The following CDCA8 variants were observed in gnomAD, a reference collection of about 807,000 sequenced individuals.
CDCA8 encodes borealin.
A neutral mutation model predicts 40.0 loss-of-function variants in CDCA8; 25 were observed. The ratio of observed to expected loss-of-function variants is 0.63; its 90% CI spans 0.46 to 0.87. CDCA8 has a LOEUF of 0.87. CDCA8 is among the 40% of genes least tolerant of loss of function. The pLI, the probability that CDCA8 is intolerant of heterozygous loss-of-function variation, is 0.00. For synonymous variants in CDCA8, 111 were observed against 126.5 expected (o/e 0.88, Z 0.82); for missense variants, 280 against 348.4 (o/e 0.80, Z 1.56).
At position 37,692,658 on chromosome 1, in the gene CDCA8, C is replaced by G. The variant is rs1645475210; in HGVS notation, c.-33C>G. On this transcript the variant is annotated 5_prime_UTR_variant, in exon 1 of 10. It adds an upstream start codon to the 5' untranslated region. Coordinates refer to ENST00000373055, the MANE Select transcript of CDCA8 (RefSeq NM_001256875.2). Reference sequence around the variant, plus strand: ...CCAGTTTCTTGCTTCCCTGCCCCATCTCCGCCGCTCCCCGCAGCCTCCGCC... The same window carrying G: ...CCAGTTTCTTGCTTCCCTGCCCCATGTCCGCCGCTCCCCGCAGCCTCCGCC... The G allele has an allele frequency of 4.4e-6, 7 of 1,580,174 alleles. No homozygotes were observed. In the East Asian group the frequency reaches 1.3e-4, roughly 30 times the overall value.
intron 2 of CDCA8, among the ~76,000 whole-genome samples, chr1:37,693,691 G>A (rs572205209): frequency 1.7e-4 from 26 of 152,146 alleles, no homozygotes; most frequent in African/African-American, 5.3e-4. Context: ...CAGCCACTGC[G>A]CCCGGCCAGA....
intron 9 of CDCA8, among the ~76,000 whole-genome samples, chr1:37,707,635 A>G (rs548434917): frequency 2.6e-5 from 4 of 152,214 alleles, no homozygotes; most frequent in East Asian, 1.9e-4. Flanking sequence ...CTATTGCCCA[A>G]TTGTTCAATT....
Position 37,692,523 on chromosome 1 carries a change from C to A in CDCA8, c.-168C>A. The A allele has an allele frequency of 1.6e-6, 1 of 628,014 alleles. No individual in the cohort carries two copies. The highest frequency in any genetic ancestry group is 1.8e-5 in the South Asian group (1 of 54,220). The allele number at this position is 628,014 out of a possible 1,614,324, so 38.9% of individuals were successfully genotyped here. A position where few individuals can be genotyped will look rare whatever the true frequency, so the allele number is the denominator to read the frequency against. On this transcript the variant is annotated 5_prime_UTR_variant, in exon 1 of 10. Transcript: ENST00000373055. ...ATTGGGTGGCGGTTGACTGTAGAGC[C>A]GCTCTCTCTCACTGGCACAGCGAGG...
intron 8 of CDCA8, among the ~76,000 whole-genome samples, chr1:37,706,729 G>A (rs1026353037): frequency 6.6e-6 from 1 of 152,252 alleles, no homozygotes; most frequent in African/African-American, 2.4e-5. Flanking sequence ...AGGACGGTTT[G>A]TTTCAGACAT....
intron 7 of CDCA8, among the ~76,000 whole-genome samples, chr1:37,704,102 T>C (rs1645582888): frequency 6.6e-6 from 1 of 151,922 alleles, no homozygotes; most frequent in Non-Finnish European, 1.5e-5. Context: ...GCCTGGCTAA[T>C]TTTTTGTTTT....
At position 37,698,950 on chromosome 1, in the gene CDCA8, A is replaced by G. The variant is rs543110631; in HGVS notation, c.310A>G (p.Ile104Val). 3.7e-6 allele frequency: 6 copies of G among 1,613,686 alleles called. No individual in the cohort carries two copies. Among genetic ancestry groups the G allele is most frequent in the Admixed American group, 1.7e-5 (1 of 60,026 alleles). ...AATAAACAAACTAACAGCAGAAGCTATTCAGACACCCCTGAAATCTGCCAA... is the reference window on the plus strand; with the variant it reads ...AATAAACAAACTAACAGCAGAAGCTGTTCAGACACCCCTGAAATCTGCCAA... ...TEINKLTAEAIQTPLKSAKTR... is the reference protein window; with the variant it reads ...TEINKLTAEAVQTPLKSAKTR... Residue 104 changes from isoleucine (I) to valine (V), a missense_variant, in exon 4 of 10, where the codon ATT becomes GTT. Physicochemically the swap from Ile to Val is conservative, Grantham distance 29. Transcript: ENST00000373055.
intron 7 of CDCA8, 127 bp downstream of exon 7, chr1:37,703,474 G>C: frequency 1.4e-6 from 1 of 723,784 alleles, no homozygotes; most frequent in African/African-American, 1.7e-5. Flanking sequence ...CCAGCACTTT[G>C]AGAGGCCGAG....
chr1:37,702,908 C>T (rs968671198), intron 6 of CDCA8, among the ~76,000 whole-genome samples: 12 of 150,116 alleles, frequency 8.0e-5, no homozygotes, highest in Admixed American at 6.7e-5. Context: ...GCCAAGATTA[C>T]GCCATTGCAC....
intron 4 of CDCA8, among the ~76,000 whole-genome samples, chr1:37,699,266 G>A (rs1187743172): frequency 6.6e-6 from 1 of 152,186 alleles, no homozygotes; most frequent in East Asian, 1.9e-4. Flanking sequence ...GAAAAAAGCT[G>A]TGCTAGAAAC....
intron 6 of CDCA8, among the ~76,000 whole-genome samples, chr1:37,702,308 T>C (rs1645571021): frequency 6.6e-6 from 1 of 151,906 alleles, no homozygotes; most frequent in African/African-American, 2.4e-5. Context: ...ACTTTTTTTT[T>C]TTAAGTATAG....
chr1:37,703,536 T>A (rs1037957330), intron 7 of CDCA8, among the ~76,000 whole-genome samples, 189 bp downstream of exon 7: 3 of 152,120 alleles, frequency 2.0e-5, no homozygotes, highest in Non-Finnish European at 2.9e-5. Context: ...GCCAAGATGA[T>A]GAAACGCTGC....
At chr1:37,693,521 C>T (rs1445661952) in intron 2 of CDCA8, among the ~76,000 whole-genome samples, 5 of 152,102 alleles carry the variant, frequency 3.3e-5, no homozygotes, top group Non-Finnish European at 7.3e-5. Flanking sequence ...GCCTCAGCCT[C>T]TGGAGTGGCT....
chr1:37,702,274 G>A (rs1011572154), intron 6 of CDCA8, among the ~76,000 whole-genome samples: 5 of 151,228 alleles, frequency 3.3e-5, no homozygotes, highest in African/African-American at 1.2e-4. Flanking sequence ...CCCGACCTCA[G>A]GTGATCCACC....
chr1:37,700,414 C>T lies in CDCA8; in HGVS notation c.338-22C>T, dbSNP rs375434570. ...CTTTATTTTCATCAGAAATACCACC[C>T]TGTTGAAACTGTTTCTTACAGCACG... On this transcript the variant is annotated intron_variant, in intron 4 of 9. Transcript: ENST00000373055. 9.0e-5 allele frequency: 126 copies of T among 1,395,782 alleles called. 2 individuals carry two copies. In the South Asian group the frequency reaches 1.2e-3, roughly 13 times the overall value. The allele number at this position is 1,395,782 out of a possible 1,614,324, so 86.5% of individuals were successfully genotyped here.
chr1:37,702,077 G>A lies in CDCA8; in HGVS notation c.488+259G>A, dbSNP rs990330839. 4.0e-5 allele frequency among the ~76,000 whole-genome samples: 5 copies of A among 125,034 alleles called. 1 individual carries two copies. The highest frequency in any genetic ancestry group is 2.4e-4 in the South Asian group (1 of 4,186). The allele number at this position is 125,034 out of a possible 152,430, so 82.0% of individuals were successfully genotyped here. A position where few individuals can be genotyped will look rare whatever the true frequency, so the allele number is the denominator to read the frequency against. ...TTTTTTGAGACGGAGTTTCAATCTC[G>A]TTGGCCAGGCTGGAGTGCAATGGTG... On this transcript the variant is annotated intron_variant, in intron 6 of 9. Transcript: ENST00000373055.
rs901655647 is a variant in CDCA8 at position 37,692,787 on chromosome 1, A to G, written c.94+3A>G. On this transcript the variant is annotated splice_donor_region_variant and intron_variant, in intron 1 of 9. Transcript: ENST00000373055. ...TCTGAAAGACTTCGACCGTGAAGGT[A>G]AGGGGCCAGGCCGTCGCGGCCTCCT... The G allele has an allele frequency of 2.5e-6, 4 of 1,613,020 alleles. No individual in the cohort carries two copies. Among genetic ancestry groups the G allele is most frequent in the Admixed American group, 1.7e-5 (1 of 60,000 alleles).
At chr1:37,704,895 C>CA (rs1403180612) in intron 7 of CDCA8, among the ~76,000 whole-genome samples, 1 of 151,942 alleles carries the variant, frequency 6.6e-6, no homozygotes, top group Non-Finnish European at 1.5e-5. Context: ...TGATCCACCC[C>CA]CCTCGGCCTC....
At chr1:37,698,143 A>G (rs1328286644) in intron 3 of CDCA8, among the ~76,000 whole-genome samples, 1 of 152,238 alleles carries the variant, frequency 6.6e-6, no homozygotes, top group Non-Finnish European at 1.5e-5. Flanking sequence ...AGCTTGACAC[A>G]CCACCAAGTG....
chr1:37,704,533 T>C (rs562521225), intron 7 of CDCA8, among the ~76,000 whole-genome samples: 2 of 151,966 alleles, frequency 1.3e-5, no homozygotes, highest in East Asian at 3.9e-4. Context: ...TCTGGAAGGA[T>C]AGATAAGGAA....
Sources: allele counts gnomAD v4.1 joint callset (sites outside exome capture counted in the v4.1 genomes callset), GRCh38; gene constraint gnomAD v4.1.1; transcripts MANE v1.5; gene names NCBI Gene and HGNC (gene_info 2026-07-23, HGNC 2026-07-21).